The following GPN3 variants were observed in gnomAD, a reference collection of about 807,000 sequenced individuals.
The protein encoded by GPN3 is ATP-binding domain 1 family member C.
A neutral mutation model predicts 38.7 loss-of-function variants in GPN3; 31 were observed. The ratio of observed to expected loss-of-function variants is 0.80; its 90% CI spans 0.60 to 1.08. The LOEUF is 1.08. GPN3 is among the 50% of genes least tolerant of loss of function. The pLI, the probability that GPN3 is intolerant of heterozygous loss-of-function variation, is 0.00. For synonymous variants in GPN3, 116 were observed against 120.2 expected, an observed-to-expected ratio of 0.96 and a Z score of 0.23; for missense variants, 301 against 354.4, an observed-to-expected ratio of 0.85 and a Z score of 1.21.
intron 4 of GPN3, among the ~76,000 whole-genome samples, chr12:110,456,774 T>C (rs2062553140): frequency 6.6e-6 from 1 of 151,746 alleles, no homozygotes; most frequent in Admixed American, 6.6e-5. Flanking sequence ...CTTGGCTCAC[T>C]GCAACCTCTG....
rs760690258 is a variant in GPN3, at chr12:110,457,462, A to C, written c.450+48T>G. On this transcript the variant is annotated intron_variant, in intron 4 of 7. Transcript: ENST00000228827. Reference sequence around the variant, plus strand: ...GTAAGACTCTGTCACACACACAAAAAAAAAAAAAAAAAAAAAAAAAAAATC... The same window carrying C: ...GTAAGACTCTGTCACACACACAAAACAAAAAAAAAAAAAAAAAAAAAAATC... The C allele has an allele frequency of 5.1e-4, 543 of 1,058,870 alleles. No individual in the cohort carries two copies. The East Asian group carries it at 6.2e-3, about 12-fold the overall frequency. The allele number at this position is 1,058,870 out of a possible 1,614,324, so 65.6% of individuals were successfully genotyped here. A position where few individuals can be genotyped will look rare whatever the true frequency, so the allele number is the denominator to read the frequency against.
chr12:110,455,127 T>C (rs1396971169), intron 6 of GPN3, among the ~76,000 whole-genome samples: 1 of 150,410 alleles, frequency 6.6e-6, no homozygotes, highest in Admixed American at 6.6e-5. Context: ...CCTGGCCTAA[T>C]TTTTTTTTGT....
intron 4 of GPN3, among the ~76,000 whole-genome samples, chr12:110,456,485 G>A (rs1566302335): frequency 6.6e-6 from 1 of 152,000 alleles, no homozygotes; most frequent in Non-Finnish European, 1.5e-5. Context: ...AAAGGTGAGG[G>A]AAGATATAGA....
At position 110,468,180 on chromosome 12, in the gene GPN3, G is replaced by A. The variant is rs745869616; in HGVS notation, c.24C>T (p.Val8=). The change falls in exon 1 of 8, where the codon GTC becomes GTT. Residue 8 remains valine (V), a synonymous_variant. Coordinates refer to ENST00000228827, the MANE Select transcript of GPN3 (RefSeq NM_016301.4). Reference sequence around the variant, plus strand: ...CCTTCCCGCTGCCCGCGGGGCCCATGACCAGCTGCGCATACCGAGGCATGT... The same window carrying A: ...CCTTCCCGCTGCCCGCGGGGCCCATAACCAGCTGCGCATACCGAGGCATGT... The part of the protein sequence containing the change: MPRYAQL[V]MGPAGSGKST... The A allele has an allele frequency of 6.2e-7, 1 of 1,611,908 alleles. No homozygotes were observed. The highest frequency in any genetic ancestry group is 1.1e-5 in the South Asian group (1 of 91,068).
chr12:110,454,148 G>A (rs1001755729), intron 6 of GPN3, among the ~76,000 whole-genome samples: 1 of 152,082 alleles, frequency 6.6e-6, no homozygotes, highest in Non-Finnish European at 1.5e-5. Flanking sequence ...TTTCACAAGA[G>A]AACAAACAGT....
At chr12:110,465,321 A>G in intron 1 of GPN3, 107 bp from the exon 2 acceptor site, 2 of 729,692 alleles carry the variant, frequency 2.7e-6, no homozygotes, top group Non-Finnish European at 5.1e-6. Flanking sequence ...TTCATCAACC[A>G]AGAGGCTGAC....
intron 6 of GPN3, 134 bp downstream of exon 6, chr12:110,455,452 T>C (rs1055804110): frequency 4.9e-6 from 3 of 612,520 alleles, no homozygotes; most frequent in Middle Eastern, 4.4e-4. Context: ...TTTTTAGAGA[T>C]AGGGTGTCAC....
intron 2 of GPN3, among the ~76,000 whole-genome samples, chr12:110,462,070 T>C (rs1445482112): frequency 6.6e-6 from 1 of 152,120 alleles, no homozygotes; most frequent in Admixed American, 6.6e-5. Context: ...CTTGAACTCC[T>C]GGGTTCAGGC....
chr12:110,453,662 C>T (rs533635094), intron 7 of GPN3, 81 bp downstream of exon 7: 5 of 1,092,470 alleles, frequency 4.6e-6, no homozygotes, highest in South Asian at 1.4e-5. Flanking sequence ...TTTAAGGAGT[C>T]GCCTGGATTA....
intron 1 of GPN3, 77 bp downstream of exon 1, chr12:110,468,079 G>A (rs1265169364): frequency 2.5e-6 from 4 of 1,609,228 alleles, no homozygotes; most frequent in Admixed American, 1.7e-5. Context: ...CACACCCGCC[G>A]GCTCACTCCC....
chr12:110,468,104 C>T (rs762131679), intron 1 of GPN3, 52 bp downstream of exon 1: 1 of 1,614,020 alleles, frequency 6.2e-7, no homozygotes, highest in Non-Finnish European at 8.5e-7. Context: ...GACCCAATCT[C>T]CCGCCTTCCA....
intron 1 of GPN3, 136 bp from the exon 2 acceptor site, chr12:110,465,350 A>G (rs1592968195): frequency 3.0e-6 from 2 of 662,566 alleles, no homozygotes; most frequent in East Asian, 5.4e-5. Context: ...AGGGAAAAAG[A>G]TACCTGACTG....
At chr12:110,463,912 TTC>T (rs1233185822) in intron 2 of GPN3, among the ~76,000 whole-genome samples, 1 of 152,158 alleles carries the variant, frequency 6.6e-6, no homozygotes, top group Non-Finnish European at 1.5e-5. Context: ...CCCTACCCAC[TTC>T]TTTCTTTCAG....
At chr12:110,468,011 AG>A in intron 1 of GPN3, 144 bp downstream of exon 1, 1 of 1,133,798 alleles carries the variant, frequency 8.8e-7, no homozygotes. Context: ...ACAACAAAAA[AG>A]AACGTGAAGC....
chr12:110,454,287 T>C (rs1252251596), intron 6 of GPN3, among the ~76,000 whole-genome samples: 3 of 151,978 alleles, frequency 2.0e-5, no homozygotes, highest in African/African-American at 7.3e-5. Flanking sequence ...TTGCAGAAAA[T>C]AGGGTTGAAC....
chr12:110,458,811 C>T lies in GPN3; in HGVS notation c.325+884G>A, dbSNP rs1378241150. 2.0e-5 allele frequency among the ~76,000 whole-genome samples: 3 copies of T among 151,906 alleles called. No individual in the cohort carries two copies. Among genetic ancestry groups the T allele is most frequent in the South Asian group, 2.1e-4 (1 of 4,830 alleles). On this transcript the variant is annotated intron_variant, in intron 3 of 7. Coordinates refer to ENST00000228827, the MANE Select transcript of GPN3 (RefSeq NM_016301.4). The surrounding 1 kb of genome is among the most constrained non-coding windows in gnomAD (Gnocchi z 4.4). Reference sequence around the variant, plus strand: ...AAAGAAAAAAAAAAAAGAAAATTCACGATTTGGCTTCAGAAGCCATGATGT... The same window carrying T: ...AAAGAAAAAAAAAAAAGAAAATTCATGATTTGGCTTCAGAAGCCATGATGT...
chr12:110,454,302 C>G (rs1442625682), intron 6 of GPN3, among the ~76,000 whole-genome samples: 1 of 151,860 alleles, frequency 6.6e-6, no homozygotes, highest in African/African-American at 2.4e-5. Context: ...TTGAACTGTG[C>G]TTTTTATATG....
At position 110,459,779 on chromosome 12, in the gene GPN3, T is replaced by G. The variant is rs752240006; in HGVS notation, c.241A>C (p.Met81Leu). ...TCAAAATTATTGGCAAAGTACTCCA[T>G]GCAAAATACCAATCCTCCGTTGGGA... is the stretch of plus-strand genomic sequence containing the variant. ...FGPNGGLVFC[M>L]EYFANNFDWL... The change falls in exon 3 of 8, where the codon ATG becomes CTG. Residue 81 changes from methionine to leucine, a missense_variant. Transcript: ENST00000228827. The G allele has an allele frequency of 1.2e-6, 2 of 1,613,088 alleles. No homozygotes were observed.
Position 110,468,021 on chromosome 12 carries a change from G to C in GPN3, c.48+135C>G, listed in dbSNP as rs983967335. ...AAACAACAACAAAAAAGAACGTGAA[G>C]CCAGACAGCAGAAATGAGTTGCGTG... On this transcript the variant is annotated intron_variant, in intron 1 of 7. Transcript: ENST00000228827. 19 of 1,205,360 alleles carry C rather than the reference G, an allele frequency of 1.6e-5. 1 individual carries two copies. In the East Asian group the frequency reaches 4.2e-4, roughly 27 times the overall value. The allele number at this position is 1,205,360 out of a possible 1,614,324, so 74.7% of individuals were successfully genotyped here.
Sources: gnomAD v4.1 joint callset for allele counts (sites outside exome capture counted in the v4.1 genomes callset) on GRCh38, gnomAD v4.1.1 for gene constraint, Gnocchi (gnomAD v3.1) non-coding constraint, MANE v1.5 for transcripts, NCBI Gene and HGNC (gene_info 2026-07-23, HGNC 2026-07-21) for gene names.